CSMD1: variants seen among roughly 807,000 people sequenced by gnomAD.
The protein encoded by CSMD1 is CUB and sushi domain-containing protein 1.
In CSMD1, 213 loss-of-function variants were observed where a neutral mutation model predicts 417.5. That is an observed-to-expected ratio of 0.51 (90% CI 0.46 to 0.57). CSMD1 has a LOEUF of 0.57. Ranked by LOEUF, CSMD1 falls within the 20% of genes least tolerant of loss-of-function variation. The pLI, the probability that CSMD1 is intolerant of heterozygous loss-of-function variation, is 0.00. For synonymous variants in CSMD1, 2,862 were observed against 1,736.8 expected (o/e 1.65, Z -16.11); for missense variants, 6,923 against 4,529.7 (o/e 1.53, Z -15.17).
intron 20 of CSMD1, 38 bp downstream of exon 20, chr8:3,366,994 T>C: frequency 1.3e-6 from 2 of 1,484,048 alleles, no homozygotes; most frequent in Non-Finnish European, 1.9e-6. Context: ...GGCAGTATTG[T>C]TGCCAGAGGA....
intron 5 of CSMD1, among the ~76,000 whole-genome samples, chr8:3,813,777 T>C (rs190746081): frequency 6.6e-6 from 1 of 152,316 alleles, no homozygotes; most frequent in African/African-American, 2.4e-5. Context: ...CAGAAAATGA[T>C]CTCACTCTAT....
chr8:3,516,337 T>C (rs766077919), intron 10 of CSMD1, among the ~76,000 whole-genome samples: 4 of 152,320 alleles, frequency 2.6e-5, no homozygotes, highest in African/African-American at 4.8e-5. Context: ...AGCAGATGAA[T>C]AGACTTCTTC....
chr8:4,796,694 T>C (rs971424881), intron 1 of CSMD1, among the ~76,000 whole-genome samples: 12 of 152,180 alleles, frequency 7.9e-5, no homozygotes, highest in African/African-American at 1.9e-4. Flanking sequence ...GACTCATCCA[T>C]TGACCATTTC....
chr8:4,359,770 G>A (rs1477386893), intron 3 of CSMD1, among the ~76,000 whole-genome samples: 3 of 152,212 alleles, frequency 2.0e-5, no homozygotes, highest in African/African-American at 7.2e-5. Context: ...TCCACGTCAA[G>A]GAGTTGGTAA....
chr8:3,916,713 A>G lies in CSMD1; in HGVS notation c.818+81190T>C, dbSNP rs556416665. On this transcript the variant is annotated intron_variant, in intron 5 of 69. Transcript: ENST00000635120. Reference sequence around the variant, plus strand: ...GTTTCCTACTACAGTCATCACAAGGATAGAAAAAGTAGAGATAATCATTGA... The same window carrying G: ...GTTTCCTACTACAGTCATCACAAGGGTAGAAAAAGTAGAGATAATCATTGA... Among the ~76,000 whole-genome samples the G allele has an allele frequency of 3.3e-5, 5 of 152,302 alleles. No homozygotes were observed. In the South Asian group the frequency reaches 1.0e-3, roughly 32 times the overall value.
chr8:4,315,159 C>T lies in CSMD1; in HGVS notation c.415+104794G>A, dbSNP rs190296360. 2.0e-3 allele frequency among the ~76,000 whole-genome samples: 297 copies of T among 152,302 alleles called. 6 individuals are homozygous for T. Among genetic ancestry groups the T allele is most frequent in the Admixed American group, 0.018 (270 of 15,292 alleles). On this transcript the variant is annotated intron_variant, in intron 3 of 69. Coordinates refer to ENST00000635120, the MANE Select transcript of CSMD1 (RefSeq NM_033225.6). The stretch of plus-strand genomic sequence containing the variant: ...ATTCTCTGCCCTCATCCACACCTAC[C>T]GGAGACAGATGACACTTTCTGCCCA...
intron 2 of CSMD1, among the ~76,000 whole-genome samples, chr8:4,424,105 AG>A (rs1797409499): frequency 6.6e-6 from 1 of 152,032 alleles, no homozygotes. Flanking sequence ...GGAAAAAAAT[AG>A]GGGAAAGGCT....
intron 3 of CSMD1, among the ~76,000 whole-genome samples, chr8:4,407,835 C>A (rs555188079): frequency 1.3e-5 from 2 of 152,214 alleles, no homozygotes; most frequent in Admixed American, 1.3e-4. Flanking sequence ...GTGTGAAAGT[C>A]TTAAAAAATG....
chr8:3,607,886 G>A (rs1801697565), intron 8 of CSMD1, among the ~76,000 whole-genome samples: 1 of 152,006 alleles, frequency 6.6e-6, no homozygotes, highest in African/African-American at 2.4e-5. Flanking sequence ...AGTAAAGGAA[G>A]TAGCCAGGCA....
At chr8:3,110,096 G>C in intron 43 of CSMD1, 62 bp downstream of exon 43, 2 of 1,361,368 alleles carry the variant, frequency 1.5e-6, no homozygotes, top group Non-Finnish European at 2.0e-6. Context: ...AGTGGCATAT[G>C]TATGCTAAGT....
chr8:4,850,710 G>T (rs1309068043), intron 1 of CSMD1, among the ~76,000 whole-genome samples: 1 of 152,046 alleles, frequency 6.6e-6, no homozygotes. Flanking sequence ...GAAGTGCAGA[G>T]TGTCGTGAAG....
intron 1 of CSMD1, among the ~76,000 whole-genome samples, chr8:4,951,487 CAG>C (rs141000682): frequency 0.063 from 8,171 of 130,116 alleles, 332 homozygotes; most frequent in Non-Finnish European, 0.074. Flanking sequence ...GAAAAGGAAA[CAG>C]AACAGGGAAA....
chr8:4,543,261 T>G, intron 2 of CSMD1, among the ~76,000 whole-genome samples: 1 of 152,144 alleles, frequency 6.6e-6, no homozygotes, highest in East Asian at 1.9e-4. Context: ...TCTGACGGTG[T>G]GGACTGCCCT....
chr8:3,990,797 G>A lies in CSMD1; in HGVS notation c.818+7106C>T, dbSNP rs573440019. Among the ~76,000 whole-genome samples, 6 of 152,218 alleles carry A rather than the reference G, an allele frequency of 3.9e-5. No homozygotes were observed. The East Asian group carries it at 1.2e-3, about 30-fold the overall frequency. ...CCCTTTCATGAGGAAGGAGAGGGGA[G>A]GGCAGGAAATAATTCCTAGGGTATA... On this transcript the variant is annotated intron_variant, in intron 5 of 69. Transcript: ENST00000635120.
intron 8 of CSMD1, among the ~76,000 whole-genome samples, chr8:3,599,878 G>C (rs553349464): frequency 1.3e-5 from 2 of 152,192 alleles, no homozygotes; most frequent in Non-Finnish European, 2.9e-5. Context: ...GTAATGGAGT[G>C]AGATGGTTGA....
chr8:3,155,359 A>ATGTTTTTTTTTTTTTTTTTT (rs1819453406), intron 39 of CSMD1, among the ~76,000 whole-genome samples: 1 of 43,314 alleles, frequency 2.3e-5, no homozygotes, highest in Non-Finnish European at 4.7e-5. Context: ...CAAGGCTGGG[A>ATGTTTTTTTTTTTTTTTTTT]TTTTTTTTTT....
intron 6 of CSMD1, among the ~76,000 whole-genome samples, chr8:3,715,599 G>A (rs1012075907): frequency 1.3e-5 from 2 of 152,168 alleles, no homozygotes; most frequent in Non-Finnish European, 2.9e-5. Context: ...CTGGAGTGCA[G>A]TGACACAATC....
chr8:4,899,120 G>C (rs1318219239), intron 1 of CSMD1, among the ~76,000 whole-genome samples: 1 of 152,130 alleles, frequency 6.6e-6, no homozygotes, highest in Non-Finnish European at 1.5e-5. Context: ...ATGGTAATTT[G>C]GTTATACACG....
chr8:4,959,392 G>C (rs1307388903), intron 1 of CSMD1, among the ~76,000 whole-genome samples: 1 of 152,156 alleles, frequency 6.6e-6, no homozygotes. Flanking sequence ...TCTCATTTTT[G>C]TCCACACTCA....
Sources: gnomAD v4.1 joint callset for allele counts (sites outside exome capture counted in the v4.1 genomes callset) on GRCh38, gnomAD v4.1.1 for gene constraint, MANE v1.5 for transcripts, NCBI Gene and HGNC (gene_info 2026-07-23, HGNC 2026-07-21) for gene names.